ABCC9: variants seen among roughly 807,000 people sequenced by gnomAD.
The protein encoded by ABCC9 is ATP-binding cassette sub-family C member 9.
A neutral mutation model predicts 188.3 loss-of-function variants in ABCC9; 95 were observed. The ratio of observed to expected loss-of-function variants is 0.50; its 90% CI spans 0.43 to 0.60. The LOEUF (loss-of-function observed/expected upper bound fraction) is 0.60, where lower values mean the gene tolerates loss of function less well. ABCC9 is among the 20% of genes least tolerant of loss of function. The pLI is 0.00. For missense variants in ABCC9, 1,102 were observed against 1,876.3 expected, an observed-to-expected ratio of 0.59 and a Z score of 7.62; for synonymous variants, 659 against 652.7, an observed-to-expected ratio of 1.01 and a Z score of -0.15.
At chr12:21,814,849 G>A in intron 34 of ABCC9, 127 bp from the exon 35 acceptor site, 2 of 777,928 alleles carry the variant, frequency 2.6e-6, no homozygotes, top group South Asian at 3.1e-5. Flanking sequence ...TTACATTATA[G>A]TTATCATTTT....
chr12:21,801,541 A>G (rs186958679), intron 39 of ABCC9, among the ~76,000 whole-genome samples: 2 of 152,338 alleles, frequency 1.3e-5, no homozygotes, highest in South Asian at 2.1e-4. Context: ...AATGTCAACA[A>G]TAATTATCTC....
chr12:21,918,829 G>C (rs1164874052), intron 5 of ABCC9, among the ~76,000 whole-genome samples: 1 of 152,070 alleles, frequency 6.6e-6, no homozygotes, highest in East Asian at 1.9e-4. Context: ...CTCAAGGCAA[G>C]AGAGTCATAA....
At chr12:21,877,409 G>C (rs1473946134) in intron 16 of ABCC9, among the ~76,000 whole-genome samples, 1 of 152,116 alleles carries the variant, frequency 6.6e-6, no homozygotes, top group Non-Finnish European at 1.5e-5. Context: ...GTGAGAATAG[G>C]CTGAAGATCA....
intron 16 of ABCC9, among the ~76,000 whole-genome samples, chr12:21,877,927 G>A (rs1258722709): frequency 6.6e-6 from 1 of 152,094 alleles, no homozygotes; most frequent in Non-Finnish European, 1.5e-5. Context: ...TGTGTAGAAG[G>A]CATAAGGTTG....
intron 12 of ABCC9, among the ~76,000 whole-genome samples, chr12:21,900,714 TG>T (rs1947701783): frequency 6.6e-6 from 1 of 152,074 alleles, no homozygotes; most frequent in Non-Finnish European, 1.5e-5. Flanking sequence ...ATATCAGTGA[TG>T]GAAGATCAAA....
chr12:21,881,180 A>G (rs1427248569), intron 16 of ABCC9, among the ~76,000 whole-genome samples: 2 of 152,164 alleles, frequency 1.3e-5, no homozygotes, highest in Admixed American at 6.5e-5. Context: ...GGAAAAATAT[A>G]AGAAGACAGC....
At chr12:21,933,739 C>T (rs749839349) in intron 4 of ABCC9, 43 bp downstream of exon 4, 1 of 1,603,922 alleles carries the variant, frequency 6.2e-7, no homozygotes, top group Non-Finnish European at 8.5e-7. Context: ...TCAATATACC[C>T]ACTGGTATAC....
At chr12:21,840,927 A>G (rs1944348212) in intron 29 of ABCC9, among the ~76,000 whole-genome samples, 1 of 152,140 alleles carries the variant, frequency 6.6e-6, no homozygotes, top group Admixed American at 6.5e-5. Context: ...ACTTTCTTTC[A>G]CCTTCCTTGC....
chr12:21,895,752 G>A (rs1023886343), intron 12 of ABCC9, among the ~76,000 whole-genome samples: 1 of 152,128 alleles, frequency 6.6e-6, no homozygotes, highest in Non-Finnish European at 1.5e-5. Context: ...TCTCTTTCCA[G>A]CAGTGTTATT....
intron 4 of ABCC9, among the ~76,000 whole-genome samples, chr12:21,927,050 A>G (rs964155204): frequency 5.3e-5 from 8 of 152,248 alleles, no homozygotes; most frequent in Admixed American, 3.3e-4. Flanking sequence ...ATGGTTGACA[A>G]TGGGAACTGA....
chr12:21,897,859 G>T (rs1262026618), intron 12 of ABCC9, among the ~76,000 whole-genome samples: 1 of 1,186 alleles, frequency 8.4e-4, no homozygotes, highest in Non-Finnish European at 5.7e-3. Context: ...TCTTGTATTT[G>T]ACTCAATACC....
chr12:21,908,766 C>T (rs578194148), intron 10 of ABCC9, among the ~76,000 whole-genome samples: 14 of 151,984 alleles, frequency 9.2e-5, no homozygotes, highest in African/African-American at 1.9e-4. Flanking sequence ...AGAAGGCTGA[C>T]GGTAACTAAA....
rs760730470 is a variant in ABCC9, at chr12:21,812,041, T to A, written c.4211+8A>T. 1 of 1,581,072 alleles carries A rather than the reference T, an allele frequency of 6.3e-7. No individual in the cohort carries two copies. The highest frequency in any genetic ancestry group is 1.1e-5 in the South Asian group (1 of 90,488). ...AGGCATACAGGTGTTGCTAAATATGTTACCTACCTAATGGAACCACTGAAT... is the reference window on the plus strand; with the variant it reads ...AGGCATACAGGTGTTGCTAAATATGATACCTACCTAATGGAACCACTGAAT... On this transcript the variant is annotated splice_region_variant and intron_variant, in intron 36 of 39. Coordinates refer to ENST00000261200, the MANE Select transcript of ABCC9 (RefSeq NM_020297.4).
chr12:21,929,423 A>G (rs956473587), intron 4 of ABCC9, among the ~76,000 whole-genome samples: 6 of 152,102 alleles, frequency 3.9e-5, no homozygotes, highest in Non-Finnish European at 8.8e-5. Context: ...AATGCAGAAC[A>G]AAGGATGTTC....
intron 12 of ABCC9, among the ~76,000 whole-genome samples, chr12:21,899,452 G>T (rs947720990): frequency 6.6e-5 from 10 of 152,106 alleles, no homozygotes; most frequent in Non-Finnish European, 1.0e-4. Flanking sequence ...GGGGCTTGTT[G>T]GACAGTGGGT....
chr12:21,928,038 G>A (rs1300373070), intron 4 of ABCC9, among the ~76,000 whole-genome samples: 1 of 151,912 alleles, frequency 6.6e-6, no homozygotes, highest in East Asian at 1.9e-4. Context: ...TGGGCAACAT[G>A]GTGAAACTCC....
intron 22 of ABCC9, among the ~76,000 whole-genome samples, chr12:21,857,008 A>ATT (rs1945259980): frequency 6.6e-6 from 1 of 152,202 alleles, no homozygotes; most frequent in African/African-American, 2.4e-5. Flanking sequence ...ATCAAATGGG[A>ATT]TAATACTGTA....
Position 21,913,008 on chromosome 12 carries a change from G to C in ABCC9, c.875C>G (p.Ala292Gly), listed in dbSNP as rs1362401423. Residue 292 changes from alanine to glycine, a missense_variant, in exon 8 of 40, where the codon GCT (alanine) becomes GGT (glycine). Ala to Gly is a moderately conservative substitution (Grantham distance 60). Coordinates refer to ENST00000261200, the MANE Select transcript of ABCC9 (RefSeq NM_020297.4). ...ACTAAGTAGAATTGGTCGCCCAAAAGCTCTGTACATTGCAAGCCATATAGA... is the reference window on the plus strand; with the variant it reads ...ACTAAGTAGAATTGGTCGCCCAAAACCTCTGTACATTGCAAGCCATATAGA... ...TPSIWLAMYR[A>G]FGRPILLSST... is the part of the protein sequence containing the mutation. 1 of 1,612,336 alleles carries C rather than the reference G, an allele frequency of 6.2e-7. No homozygotes were observed. The highest frequency in any genetic ancestry group is 1.1e-5 in the South Asian group (1 of 90,912).
chr12:21,816,055 T>G lies in ABCC9; in HGVS notation c.3893-162A>C, dbSNP rs946796874. On this transcript the variant is annotated intron_variant, in intron 33 of 39. Transcript: ENST00000261200. ...GTGGCAGTTTTTTTTTTTTTTTTTT[T>G]TTTTTTTTTTTTTTTTTTTTTTTTT... 4.3e-3 allele frequency among the ~76,000 whole-genome samples: 488 copies of G among 114,696 alleles called. 2 individuals carry two copies. Among genetic ancestry groups the G allele is most frequent in the Non-Finnish European group, 5.8e-3 (352 of 60,764 alleles). The allele number at this position is 114,696 out of a possible 152,430, so 75.2% of individuals were successfully genotyped here.
Sources: gnomAD v4.1 joint callset for allele counts (sites outside exome capture counted in the v4.1 genomes callset) on GRCh38, gnomAD v4.1.1 for gene constraint, MANE v1.5 for transcripts, NCBI Gene and HGNC (gene_info 2026-07-23, HGNC 2026-07-21) for gene names.